CD302: variants seen among roughly 807,000 people sequenced by gnomAD.
CD302 encodes CD302 molecule, also known as CD302 antigen.
In CD302, 23 loss-of-function variants were observed where a neutral mutation model predicts 26.5. The observed-to-expected ratio is 0.87, with a 90% CI of 0.62 to 1.23. The LOEUF is 1.23. Among genes scored for constraint, CD302 ranks in the 50% most tolerant of loss-of-function variants. CD302 has a pLI of 0.00. For missense variants in CD302, 290 were observed against 275.5 expected, an observed-to-expected ratio of 1.05 and a Z score of -0.37; for synonymous variants, 90 against 99.4, an observed-to-expected ratio of 0.91 and a Z score of 0.56.
At chr2:159,783,035 G>GATA (rs1363517790) in intron 2 of CD302, among the ~76,000 whole-genome samples, 1 of 152,184 alleles carries the variant, frequency 6.6e-6, no homozygotes, top group African/African-American at 2.4e-5. Flanking sequence ...TCAATAAAAT[G>GATA]ATAATAATAC....
intron 5 of CD302, among the ~76,000 whole-genome samples, chr2:159,775,303 A>AT (rs923904756): frequency 1.4e-4 from 22 of 152,258 alleles, no homozygotes; most frequent in African/African-American, 5.3e-4. Context: ...ACATATATAC[A>AT]TGCATACATG....
intron 4 of CD302, among the ~76,000 whole-genome samples, chr2:159,779,251 A>C (rs1393319779): frequency 6.6e-6 from 1 of 151,508 alleles, no homozygotes; most frequent in Non-Finnish European, 1.5e-5. Flanking sequence ...AAAAAAAAAA[A>C]AAAAACCTTC....
intron 5 of CD302, among the ~76,000 whole-genome samples, chr2:159,775,003 C>T (rs553584576): frequency 3.3e-5 from 5 of 152,312 alleles, no homozygotes; most frequent in African/African-American, 1.2e-4. Context: ...TATGCAAAAT[C>T]ATGGCCTTAT....
At chr2:159,776,850 C>T (rs1708348151) in intron 5 of CD302, among the ~76,000 whole-genome samples, 1 of 152,036 alleles carries the variant, frequency 6.6e-6, no homozygotes, top group South Asian at 2.1e-4. Context: ...GGATTACAGG[C>T]GCCCGCCACC....
intron 4 of CD302, among the ~76,000 whole-genome samples, chr2:159,779,347 A>C (rs772470171): frequency 6.7e-6 from 1 of 149,784 alleles, no homozygotes; most frequent in Non-Finnish European, 1.5e-5. Context: ...GGATGTTCTT[A>C]TGGAGAATCT....
intron 1 of CD302, among the ~76,000 whole-genome samples, chr2:159,794,521 A>AATTTATTT (rs201764086): frequency 1.2e-4 from 3 of 25,040 alleles, no homozygotes; most frequent in South Asian, 3.9e-3. Context: ...AAAATTAATT[A>AATTTATTT]ATTTATTTAT....
chr2:159,794,622 C>T (rs1708901670), intron 1 of CD302, among the ~76,000 whole-genome samples: 2 of 151,744 alleles, frequency 1.3e-5, no homozygotes, highest in African/African-American at 4.8e-5. Context: ...GATCTCAGCT[C>T]ACTGCAAGCT....
In CD302 at chr2:159,771,677, T is replaced by G. The variant is rs923909174; in HGVS notation, c.*174A>C. 215 of 736,342 alleles carry G rather than the reference T, an allele frequency of 2.9e-4. No homozygotes were observed. In the Middle Eastern group the frequency reaches 5.7e-3, roughly 19 times the overall value. The allele number at this position is 736,342 out of a possible 1,614,324, so 45.6% of individuals were successfully genotyped here. A position where few individuals can be genotyped will look rare whatever the true frequency, so the allele number is the denominator to read the frequency against. On this transcript the variant is annotated 3_prime_UTR_variant, in exon 6 of 6. Transcript: ENST00000259053. The stretch of plus-strand genomic sequence containing the variant: ...GATCTAAGATCATTTCTAAAACCTG[T>G]TTTTTTAATGAACCTAAAGACTTTT...
intron 2 of CD302, 48 bp from the exon 3 acceptor site, chr2:159,781,046 T>C (rs1431225281): frequency 3.5e-6 from 5 of 1,437,608 alleles, no homozygotes; most frequent in Non-Finnish European, 2.9e-6. Flanking sequence ...CCAGAATCAG[T>C]GAAAATCACT....
In CD302 at chr2:159,780,015, G is replaced by A. The variant is rs1188678156; in HGVS notation, c.459C>T (p.Cys153=). 1.9e-6 allele frequency: 3 copies of A among 1,613,446 alleles called. No individual in the cohort carries two copies. Among genetic ancestry groups the A allele is most frequent in the Non-Finnish European group, 2.5e-6 (3 of 1,179,744 alleles). Residue 153 remains cysteine (C), a synonymous_variant, in exon 4 of 6, where the codon TGC becomes TGT. Transcript: ENST00000259053. The part of the protein sequence containing the change: ...CEVSSVEGTL[C]KTAIPYKRKY... ...TTCGGTCATACTTACTAGCTGTTTT[G>A]CATAGTGTTCCTTCCACAGAAGAAA...
In CD302 at chr2:159,775,891, C is replaced by CTT. The variant is rs70997201; in HGVS notation, c.496+2045_496+2046dup. 6.9e-3 allele frequency among the ~76,000 whole-genome samples: 1,009 copies of CTT among 146,488 alleles called. 13 individuals are homozygous for CTT. Among genetic ancestry groups the CTT allele is most frequent in the South Asian group, 0.018 (84 of 4,644 alleles). Reference sequence around the variant, plus strand: ...GGCCTTTTATGACTGGCTTATTTTTCTTTTTTTTTTGTGGTGGTTTTGTTT... The same window carrying CTT: ...GGCCTTTTATGACTGGCTTATTTTTCTTTTTTTTTTTTGTGGTGGTTTTGTTT... On this transcript the variant is annotated intron_variant, in intron 5 of 5. Transcript: ENST00000259053.
chr2:159,795,221 TCGG>T (rs1708920175), intron 1 of CD302, among the ~76,000 whole-genome samples: 1 of 144,748 alleles, frequency 6.9e-6, no homozygotes. Context: ...AGACTCCATC[TCGG>T]AAAAAAAAAA....
intron 5 of CD302, among the ~76,000 whole-genome samples, chr2:159,772,832 TGA>T (rs1708197151): frequency 6.6e-6 from 1 of 152,108 alleles, no homozygotes; most frequent in South Asian, 2.1e-4. Flanking sequence ...TTAAGATTAG[TGA>T]GAGAAATTTG....
intron 2 of CD302, among the ~76,000 whole-genome samples, chr2:159,781,206 T>C (rs1432745938): frequency 1.3e-5 from 2 of 152,164 alleles, no homozygotes; most frequent in Admixed American, 6.5e-5. Flanking sequence ...TCATTGAAAT[T>C]ATGTTTATGT....
At chr2:159,781,803 G>C (rs1471520693) in intron 2 of CD302, among the ~76,000 whole-genome samples, 2 of 152,012 alleles carry the variant, frequency 1.3e-5, no homozygotes, top group Non-Finnish European at 2.9e-5. Context: ...TTTTCAAAGG[G>C]AAACAACATA....
chr2:159,776,159 T>G (rs1024345377), intron 5 of CD302, among the ~76,000 whole-genome samples: 3 of 152,074 alleles, frequency 2.0e-5, no homozygotes, highest in African/African-American at 7.2e-5. Flanking sequence ...GGCCTGTGCC[T>G]GGCTTATTTT....
chr2:159,785,706 CTCT>C (rs1307002042), intron 1 of CD302, among the ~76,000 whole-genome samples: 1 of 152,208 alleles, frequency 6.6e-6, no homozygotes, highest in Non-Finnish European at 1.5e-5. Context: ...AGAGAAAAGA[CTCT>C]TCTTCCTTCA....
chr2:159,779,818 G>GGTC (rs767915572), intron 4 of CD302, among the ~76,000 whole-genome samples, 187 bp downstream of exon 4: 1 of 135,686 alleles, frequency 7.4e-6, no homozygotes, highest in Non-Finnish European at 1.7e-5. Flanking sequence ...TGCTCAAGCT[G>GGTC]GTCTTCAACT....
At chr2:159,780,235 A>G in intron 3 of CD302, 57 bp from the exon 4 acceptor site, 1 of 1,580,598 alleles carries the variant, frequency 6.3e-7, no homozygotes, top group Non-Finnish European at 8.6e-7. Flanking sequence ...GTTCAAGCCA[A>G]AAAGGGTGTA....
Sources: gnomAD v4.1 joint callset for allele counts (sites outside exome capture counted in the v4.1 genomes callset) on GRCh38, gnomAD v4.1.1 for gene constraint, MANE v1.5 for transcripts, NCBI Gene and HGNC (gene_info 2026-07-23, HGNC 2026-07-21) for gene names.